SS18: variants seen among roughly 807,000 people sequenced by gnomAD.
SS18 encodes protein SSXT.
In SS18, 28 loss-of-function variants were observed where a neutral mutation model predicts 72.5. The observed-to-expected ratio is 0.39, with a 90% confidence interval of 0.29 to 0.53. The LOEUF (loss-of-function observed/expected upper bound fraction) is 0.53, where lower values mean the gene tolerates loss of function less well. SS18 is among the 20% of genes least tolerant of loss of function. The pLI is 0.76. For missense variants in SS18, 518 were observed against 535.3 expected, an observed-to-expected ratio of 0.97 and a Z score of 0.32; for synonymous variants, 172 against 164.2, an observed-to-expected ratio of 1.05 and a Z score of -0.37.
intron 2 of SS18, among the ~76,000 whole-genome samples, chr18:26,086,178 G>A (rs1457221361): frequency 6.6e-6 from 1 of 152,142 alleles, no homozygotes; most frequent in Non-Finnish European, 1.5e-5. Flanking sequence ...TTTACAGGAG[G>A]ACGTGAGTAG....
At chr18:26,036,855 T>C (rs78675702) in intron 7 of SS18, among the ~76,000 whole-genome samples, 7,410 of 152,202 alleles carry the variant, frequency 0.049, 254 homozygotes, top group Middle Eastern at 0.082. Flanking sequence ...TGGCAAGTTT[T>C]TGTAAATAAA....
chr18:26,065,066 T>C (rs2054188583), intron 3 of SS18, among the ~76,000 whole-genome samples: 1 of 152,088 alleles, frequency 6.6e-6, no homozygotes, highest in African/African-American at 2.4e-5. Context: ...GAAATACTGT[T>C]GAGAGAAAGA....
intron 2 of SS18, among the ~76,000 whole-genome samples, chr18:26,082,839 T>G (rs2054549992): frequency 6.6e-6 from 1 of 152,206 alleles, no homozygotes. Context: ...GTTTTCTAAT[T>G]TGCACATACT....
chr18:26,041,586 T>A (rs948300215), intron 5 of SS18, among the ~76,000 whole-genome samples: 2 of 152,162 alleles, frequency 1.3e-5, no homozygotes, highest in African/African-American at 4.8e-5. Flanking sequence ...ATTTAATAGG[T>A]AACCTGATCG....
At chr18:26,020,293 T>C (rs1598518851) in intron 10 of SS18, among the ~76,000 whole-genome samples, 1 of 152,168 alleles carries the variant, frequency 6.6e-6, no homozygotes, top group African/African-American at 2.4e-5. Flanking sequence ...AATGGCTACA[T>C]TAATTCCTGT....
chr18:26,046,561 C>T (rs1295961747), intron 5 of SS18, among the ~76,000 whole-genome samples: 1 of 152,228 alleles, frequency 6.6e-6, no homozygotes, highest in Non-Finnish European at 1.5e-5. Flanking sequence ...TCTTTAAGCA[C>T]CTGCAGTGCA....
chr18:26,062,756 T>C (rs745920507), intron 3 of SS18, among the ~76,000 whole-genome samples: 7 of 152,224 alleles, frequency 4.6e-5, no homozygotes, highest in Admixed American at 6.5e-5. Flanking sequence ...TAATACTGAA[T>C]AGCTGGCTTA....
intron 4 of SS18, among the ~76,000 whole-genome samples, chr18:26,057,331 C>A (rs550932811): frequency 3.0e-4 from 46 of 152,302 alleles, no homozygotes; most frequent in African/African-American, 1.1e-3. Context: ...AACTGTATTG[C>A]AGTTTCAGAC....
chr18:26,078,317 T>G lies in SS18; in HGVS notation c.147-157A>C, dbSNP rs531455556. ...TTTCCTACACTGCAAAAGTTCCAAA[T>G]AATAAATATTTAAATATAATGAGCT... On this transcript the variant is annotated intron_variant, in intron 2 of 10. Coordinates refer to ENST00000415083, the MANE Select transcript of SS18 (RefSeq NM_001007559.3). The G allele has an allele frequency of 2.3e-4, 119 of 517,236 alleles. 1 individual carries two copies. In the South Asian group the frequency reaches 3.4e-3, roughly 15 times the overall value. The allele number at this position is 517,236 out of a possible 1,614,324, so 32.0% of individuals were successfully genotyped here.
At chr18:26,032,871 CAAGCAAGAGGAAAAAGAGA>C (rs1428502600) in intron 9 of SS18, among the ~76,000 whole-genome samples, 1 of 151,978 alleles carries the variant, frequency 6.6e-6, no homozygotes, top group East Asian at 1.9e-4. Context: ...TTAACCAGCA[CAAGCAAGAGGAAAAAGAGA>C]AAGCAAGAGG....
chr18:26,023,457 A>C (rs2053388431), intron 10 of SS18, among the ~76,000 whole-genome samples: 1 of 152,138 alleles, frequency 6.6e-6, no homozygotes, highest in South Asian at 2.1e-4. Flanking sequence ...AAATTTCTTC[A>C]ATCAAACAAT....
At chr18:26,083,613 G>C (rs1033336206) in intron 2 of SS18, among the ~76,000 whole-genome samples, 1 of 152,132 alleles carries the variant, frequency 6.6e-6, no homozygotes, top group Non-Finnish European at 1.5e-5. Flanking sequence ...TGAATGGTAA[G>C]TATTTGTTTA....
intron 4 of SS18, among the ~76,000 whole-genome samples, chr18:26,056,288 A>G (rs1042407685): frequency 1.3e-5 from 2 of 152,212 alleles, no homozygotes; most frequent in Non-Finnish European, 2.9e-5. Flanking sequence ...TACCATCATA[A>G]AAAGTCACAA....
At chr18:26,081,938 G>A (rs1036940419) in intron 2 of SS18, among the ~76,000 whole-genome samples, 3 of 151,982 alleles carry the variant, frequency 2.0e-5, no homozygotes, top group African/African-American at 7.3e-5. Context: ...CGCACCTGTA[G>A]TCCCTGCTAC....
chr18:26,016,450 C>A lies in SS18; in HGVS notation c.*1904G>T, dbSNP rs1396550207. On this transcript the variant is annotated 3_prime_UTR_variant, in exon 11 of 11. Transcript: ENST00000415083. ...AGAAAAAACCTATTCTGGCCAGGCA[C>A]GGTGGCTCACGCCTGTAATCCCAGC... is the stretch of plus-strand genomic sequence containing the variant. 13 of 181,334 alleles carry A rather than the reference C, an allele frequency of 7.2e-5. No homozygotes were observed. Among genetic ancestry groups the A allele is most frequent in the Non-Finnish European group, 8.3e-5 (7 of 84,836 alleles). 11.2% of individuals were successfully genotyped at this position (181,334 alleles called of 1,614,324 possible).
Position 26,069,750 on chromosome 18 carries a change from C to T in SS18, c.231+8326G>A, listed in dbSNP as rs56329299. On this transcript the variant is annotated intron_variant, in intron 3 of 10. Transcript: ENST00000415083. ...CTACCACAATAGAAAGAACTATTTT[C>T]TCCCCAAGTTTTTCTCAAAGAAACA... Among the ~76,000 whole-genome samples, 644 of 152,230 alleles carry T rather than the reference C, an allele frequency of 4.2e-3. 3 individuals are homozygous for T. The highest frequency in any genetic ancestry group is 7.6e-3 in the Non-Finnish European group (520 of 67,990).
intron 2 of SS18, chr18:26,080,477 G>A: frequency 1.8e-6 from 1 of 569,126 alleles, no homozygotes. Flanking sequence ...AAGCCAGTGT[G>A]AAACTACTAT....
chr18:26,051,328 A>G (rs1002022725), intron 5 of SS18, among the ~76,000 whole-genome samples: 3 of 152,250 alleles, frequency 2.0e-5, no homozygotes, highest in Non-Finnish European at 4.4e-5. Flanking sequence ...TTGGTCCCTA[A>G]GAACAAAAAA....
intron 4 of SS18, 59 bp downstream of exon 4, chr18:26,057,530 C>A (rs1440882765): frequency 6.3e-7 from 1 of 1,598,382 alleles, no homozygotes; most frequent in Non-Finnish European, 8.6e-7. Flanking sequence ...CTTGAGCCCC[C>A]ATGTCGTTTC....
Sources: allele counts gnomAD v4.1 joint callset (sites outside exome capture counted in the v4.1 genomes callset), GRCh38; gene constraint gnomAD v4.1.1; transcripts MANE v1.5; gene names NCBI Gene and HGNC (gene_info 2026-07-23, HGNC 2026-07-21).